The following RABEP1 variants were observed in gnomAD, a reference collection of about 807,000 sequenced individuals.
The protein encoded by RABEP1 is rab GTPase-binding effector protein 1.
Under a neutral mutation model 123.4 loss-of-function variants are expected in RABEP1, and 51 were observed. The ratio of observed to expected loss-of-function variants is 0.41; its 90% CI spans 0.33 to 0.52. The LOEUF (loss-of-function observed/expected upper bound fraction) is 0.52, where lower values mean the gene tolerates loss of function less well. Ranked by LOEUF, RABEP1 falls within the 20% of genes least tolerant of loss-of-function variation. The pLI is 0.16. For synonymous variants in RABEP1, 347 were observed against 355.2 expected, an observed-to-expected ratio of 0.98 and a Z score of 0.26; for missense variants, 888 against 996.3, an observed-to-expected ratio of 0.89 and a Z score of 1.46.
chr17:5,351,801 C>CA (rs772879428), intron 7 of RABEP1, among the ~76,000 whole-genome samples: 9 of 151,602 alleles, frequency 5.9e-5, no homozygotes, highest in Non-Finnish European at 1.0e-4. Context: ...GATCCTATCT[C>CA]AAAAAAAAGT....
intron 2 of RABEP1, among the ~76,000 whole-genome samples, chr17:5,310,114 C>T (rs967080571): frequency 1.3e-5 from 2 of 152,160 alleles, no homozygotes; most frequent in African/African-American, 2.4e-5. Flanking sequence ...TCAAGTACTA[C>T]AGTTTGAAAA....
At chr17:5,312,315 A>AT (rs1192442685) in intron 2 of RABEP1, among the ~76,000 whole-genome samples, 2 of 151,910 alleles carry the variant, frequency 1.3e-5, no homozygotes, top group African/African-American at 2.4e-5. Context: ...CACCTGGCTA[A>AT]TTTTTTTGTA....
At position 5,362,994 on chromosome 17, in the gene RABEP1, A is replaced by G; in HGVS notation, c.1646A>G (p.Gln549Arg). ...YEKQLQGIQI[Q>R]EAETRDQVKK... The stretch of plus-strand genomic sequence containing the variant: ...AAACAGTTACAAGGAATTCAGATTC[A>G]GGAGGCTGAAACGAGAGACCAGGTG... Residue 549 changes from glutamine (Q) to arginine (R), a missense_variant, in exon 10 of 18, where the codon CAG (glutamine) becomes CGG (arginine). By Grantham distance (43) the Gln-to-Arg change is conservative. Coordinates refer to ENST00000537505, the MANE Select transcript of RABEP1 (RefSeq NM_004703.6). The G allele has an allele frequency of 6.2e-7, 1 of 1,612,904 alleles. No homozygotes were observed. The highest frequency in any genetic ancestry group is 8.5e-7 in the Non-Finnish European group (1 of 1,178,844).
intron 1 of RABEP1, among the ~76,000 whole-genome samples, chr17:5,303,763 T>G (rs569315786): frequency 6.6e-6 from 1 of 152,336 alleles, no homozygotes; most frequent in South Asian, 2.1e-4. Flanking sequence ...CCAGGTGTGG[T>G]GGCTCACACC....
intron 12 of RABEP1, among the ~76,000 whole-genome samples, chr17:5,371,027 C>T (rs1024717744): frequency 5.3e-5 from 8 of 151,274 alleles, no homozygotes; most frequent in African/African-American, 1.7e-4. Flanking sequence ...AGTGCAGTGG[C>T]GCGATCTCGG....
At chr17:5,321,005 A>T (rs1364319897) in intron 2 of RABEP1, among the ~76,000 whole-genome samples, 1 of 152,234 alleles carries the variant, frequency 6.6e-6, no homozygotes, top group Non-Finnish European at 1.5e-5. Context: ...CCAACTATAT[A>T]CTGCCTACAA....
intron 12 of RABEP1, among the ~76,000 whole-genome samples, chr17:5,369,943 C>A (rs953144350): frequency 6.6e-6 from 1 of 152,168 alleles, no homozygotes; most frequent in Non-Finnish European, 1.5e-5. Context: ...AGGTGATCCA[C>A]CCGCGTTGGC....
rs770402728 is a variant in RABEP1 at position 5,373,391 on chromosome 17, A to G, written c.1962A>G (p.Gly654=). ...RLQKDNDSLQ[G]KHSLHVSLQQ... is the part of the protein sequence containing the mutation. ...AGAAAGATAATGACAGTCTCCAGGG[A>G]AAGCACAGCCTGCATGTGTCATTAC... is the stretch of plus-strand genomic sequence containing the variant. The change falls in exon 13 of 18, where the codon GGA becomes GGG. Residue 654 remains glycine, a synonymous_variant. Transcript: ENST00000537505. 27 of 1,613,292 alleles carry G rather than the reference A, an allele frequency of 1.7e-5. No individual in the cohort carries two copies. In the Admixed American group the frequency reaches 4.3e-4, roughly 26 times the overall value.
chr17:5,335,026 A>G (rs1412725678), intron 3 of RABEP1, among the ~76,000 whole-genome samples, 158 bp from the exon 4 acceptor site: 1 of 152,242 alleles, frequency 6.6e-6, no homozygotes, highest in Non-Finnish European at 1.5e-5. Flanking sequence ...ATTTCTGTAT[A>G]TAATAAGAAC....
rs990153251 is a variant in RABEP1 at position 5,362,952 on chromosome 17, T to G, written c.1604T>G (p.Met535Arg). 2.5e-6 allele frequency: 4 copies of G among 1,613,928 alleles called. No individual in the cohort carries two copies. The highest frequency in any genetic ancestry group is 3.4e-6 in the Non-Finnish European group (4 of 1,179,910). The part of the protein sequence containing the change: ...AGNKLGRRCD[M>R]CSNYEKQLQG... ...AATAAACTTGGTAGACGTTGTGATA[T>G]GTGTTCCAATTACGAAAAACAGTTA... Residue 535 changes from methionine to arginine, a missense_variant, in exon 10 of 18, where the codon ATG (methionine) becomes AGG (arginine). Transcript: ENST00000537505.
At chr17:5,299,651 G>GT (rs1425345117) in intron 1 of RABEP1, among the ~76,000 whole-genome samples, 1 of 148,254 alleles carries the variant, frequency 6.7e-6, no homozygotes, top group East Asian at 2.0e-4. Flanking sequence ...TGTCATTGGG[G>GT]TTTGTTTCTC....
intron 2 of RABEP1, among the ~76,000 whole-genome samples, chr17:5,319,871 C>T (rs1320793162): frequency 6.6e-6 from 1 of 152,018 alleles, no homozygotes; most frequent in African/African-American, 2.4e-5. Flanking sequence ...TGAAGATGAC[C>T]TACAGGATGT....
Position 5,308,783 on chromosome 17 carries a change from AAG to A in RABEP1, c.129_130del (p.Arg43SerfsTer4). ...GCAGCTTGAACAAGAATTTAATCAA[AAG>A]AGAGCAAAATTTAAGGAGTTATATT... is the stretch of plus-strand genomic sequence containing the variant. The part of the protein sequence containing the change: ...QQQLEQEFNQ[K>X]RAKFKELYLA... On this transcript the variant is annotated frameshift_variant, in exon 2 of 18. Transcript: ENST00000537505. LOFTEE classifies it high-confidence loss of function. The A allele has an allele frequency of 1.2e-6, 2 of 1,611,040 alleles. No individual in the cohort carries two copies. Among genetic ancestry groups the A allele is most frequent in the African/African-American group, 1.3e-5 (1 of 74,972 alleles).
At chr17:5,336,709 CCTT>C in intron 4 of RABEP1, 1 of 241,310 alleles carries the variant, frequency 4.1e-6, no homozygotes, top group South Asian at 5.0e-5. Context: ...CTTCCTCCCT[CCTT>C]TTTTTTCCTG....
chr17:5,340,017 A>G (rs1597369662), intron 5 of RABEP1, among the ~76,000 whole-genome samples: 1 of 152,338 alleles, frequency 6.6e-6, no homozygotes, highest in East Asian at 1.9e-4. Flanking sequence ...TAGTCATGAA[A>G]TGCATAAACT....
chr17:5,366,361 A>G (rs1244733934), intron 11 of RABEP1, among the ~76,000 whole-genome samples: 1 of 152,096 alleles, frequency 6.6e-6, no homozygotes, highest in East Asian at 1.9e-4. Flanking sequence ...TTGGTCTTTA[A>G]AAACTGATTT....
At chr17:5,347,370 A>G (rs1908148136) in intron 6 of RABEP1, among the ~76,000 whole-genome samples, 1 of 152,174 alleles carries the variant, frequency 6.6e-6, no homozygotes, top group African/African-American at 2.4e-5. Flanking sequence ...AGCTCACACC[A>G]CTGCACTCTG....
At chr17:5,331,847 T>G in intron 2 of RABEP1, 102 bp from the exon 3 acceptor site, 2 of 1,041,144 alleles carry the variant, frequency 1.9e-6, no homozygotes, top group Non-Finnish European at 2.8e-6. Context: ...AGGGTGTCAT[T>G]TTGTATGTTT....
At chr17:5,356,288 GGA>G (rs1400520167) in intron 8 of RABEP1, among the ~76,000 whole-genome samples, 1 of 152,094 alleles carries the variant, frequency 6.6e-6, no homozygotes, top group Non-Finnish European at 1.5e-5. Flanking sequence ...CCCGGGAGGT[GGA>G]GGTTGCAATG....
Sources: gnomAD v4.1 joint callset for allele counts (sites outside exome capture counted in the v4.1 genomes callset) on GRCh38, gnomAD v4.1.1 for gene constraint, MANE v1.5 for transcripts, NCBI Gene and HGNC (gene_info 2026-07-23, HGNC 2026-07-21) for gene names.